The following MAPRE2 variants were observed in gnomAD, a reference collection of about 807,000 sequenced individuals.
The protein encoded by MAPRE2 is microtubule-associated protein RP/EB family member 2.
Under a neutral mutation model 43.2 loss-of-function variants are expected in MAPRE2, and 13 were observed. The observed-to-expected ratio is 0.30, with a 90% CI of 0.20 to 0.48. The LOEUF is 0.48. Ranked by LOEUF, MAPRE2 falls within the 20% of genes least tolerant of loss-of-function variation. The pLI is 0.99. For synonymous variants in MAPRE2, 135 were observed against 148.8 expected (o/e 0.91, Z 0.68); for missense variants, 161 against 400.2 (o/e 0.40, Z 5.10).
intron 3 of MAPRE2, among the ~76,000 whole-genome samples, chr18:35,100,533 A>C (rs1295446500): frequency 6.6e-6 from 1 of 152,236 alleles, no homozygotes; most frequent in Non-Finnish European, 1.5e-5. Flanking sequence ...TTGCAGCACT[A>C]TTCACAATAG....
At chr18:35,110,117 G>A (rs1253393080) in intron 4 of MAPRE2, among the ~76,000 whole-genome samples, 1 of 152,000 alleles carries the variant, frequency 6.6e-6, no homozygotes, top group Non-Finnish European at 1.5e-5. Context: ...CACCCCTATA[G>A]TTGTCATATG....
rs189433721 is a variant in MAPRE2, at chr18:35,135,247, C to T, written c.909+3057C>T. Reference sequence around the variant, plus strand: ...GTCCTTATTTGGAATGTGACAAGACCCATTTGTTTAAACCTTGGTTTTTAT... The same window carrying T: ...GTCCTTATTTGGAATGTGACAAGACTCATTTGTTTAAACCTTGGTTTTTAT... On this transcript the variant is annotated intron_variant, in intron 6 of 6. Coordinates refer to ENST00000300249, the MANE Select transcript of MAPRE2 (RefSeq NM_014268.4). Among the ~76,000 whole-genome samples, 196 of 152,134 alleles carry T rather than the reference C, an allele frequency of 1.3e-3. 1 individual carries two copies. The highest frequency in any genetic ancestry group is 4.1e-3 in the African/African-American group (170 of 41,504).
chr18:34,985,040 A>ATATTTTATGT lies in MAPRE2; in HGVS notation c.-70+7964_-70+7965insTTTATGTTAT, dbSNP rs1206907037. ...TTATATAATATATAAAATATATAAT[A>ATATTTTATGT]TATAAAATATATTATATAATATATA... is the stretch of plus-strand genomic sequence containing the variant. On this transcript the variant is annotated intron_variant, in intron 1 of 7. Transcript: ENST00000413393. 2.4e-4 allele frequency among the ~76,000 whole-genome samples: 12 copies of ATATTTTATGT among 50,544 alleles called. 1 individual carries two copies. Among genetic ancestry groups the ATATTTTATGT allele is most frequent in the African/African-American group, 3.4e-4 (4 of 11,894 alleles). The allele number at this position is 50,544 out of a possible 152,430, so 33.2% of individuals were successfully genotyped here.
At chr18:35,137,963 C>T (rs1467130867) in intron 6 of MAPRE2, among the ~76,000 whole-genome samples, 1 of 152,234 alleles carries the variant, frequency 6.6e-6, no homozygotes, top group East Asian at 1.9e-4. Flanking sequence ...TTTCATTCTT[C>T]TCCCTTGGAT....
intron 4 of MAPRE2, among the ~76,000 whole-genome samples, chr18:35,125,924 C>T (rs1297438821): frequency 6.6e-6 from 1 of 152,200 alleles, no homozygotes; most frequent in Non-Finnish European, 1.5e-5. Context: ...GTGTTTTCCC[C>T]TTTAGAGTAA....
intron 1 of MAPRE2, among the ~76,000 whole-genome samples, chr18:35,052,224 G>A (rs1905973972): frequency 6.6e-6 from 1 of 152,108 alleles, no homozygotes; most frequent in Non-Finnish European, 1.5e-5. Context: ...TGTACCCTTT[G>A]CAGTCCAAAT....
chr18:35,135,985 C>A (rs144831020), intron 6 of MAPRE2, among the ~76,000 whole-genome samples: 1 of 152,310 alleles, frequency 6.6e-6, no homozygotes, highest in East Asian at 1.9e-4. Context: ...CTGGGGAGAT[C>A]TCTTCCCCTG....
intron 4 of MAPRE2, among the ~76,000 whole-genome samples, chr18:35,110,002 T>A (rs185645407): frequency 6.6e-6 from 1 of 152,238 alleles, no homozygotes; most frequent in African/African-American, 2.4e-5. Context: ...TTGCACTAAT[T>A]TTTTAGGGGT....
chr18:35,126,241 A>G (rs1337571882), intron 4 of MAPRE2, among the ~76,000 whole-genome samples: 4 of 152,128 alleles, frequency 2.6e-5, no homozygotes, highest in African/African-American at 9.7e-5. Context: ...GTTCTTCCTG[A>G]TATTCAGCTG....
At chr18:35,116,796 G>T (rs112744238) in intron 4 of MAPRE2, among the ~76,000 whole-genome samples, 5 of 152,342 alleles carry the variant, frequency 3.3e-5, no homozygotes, top group African/African-American at 1.2e-4. Context: ...CTGTGGGTTA[G>T]AGTCAGGTCA....
chr18:35,081,658 G>A lies in MAPRE2; in HGVS notation c.250+11336G>A, dbSNP rs533288866. 1.6e-3 allele frequency among the ~76,000 whole-genome samples: 243 copies of A among 152,260 alleles called. 1 individual carries two copies. The highest frequency in any genetic ancestry group is 4.5e-3 in the Admixed American group (69 of 15,298). ...ATGGAGTTCTCACCTGCAAGTCTTGGGGAGAGGGTGAAATGGCTGAAATCT... is the reference window on the plus strand; with the variant it reads ...ATGGAGTTCTCACCTGCAAGTCTTGAGGAGAGGGTGAAATGGCTGAAATCT... On this transcript the variant is annotated intron_variant, in intron 2 of 6. Coordinates refer to ENST00000300249, the MANE Select transcript of MAPRE2 (RefSeq NM_014268.4).
chr18:35,008,828 T>C (rs548098565), intron 2 of MAPRE2, among the ~76,000 whole-genome samples: 158 of 152,312 alleles, frequency 1.0e-3, no homozygotes, highest in Non-Finnish European at 1.9e-3. Context: ...TGGAATAATT[T>C]ACAAACATTT....
intron 4 of MAPRE2, among the ~76,000 whole-genome samples, chr18:35,122,268 C>T (rs998247070): frequency 1.3e-5 from 2 of 152,150 alleles, no homozygotes; most frequent in Non-Finnish European, 2.9e-5. Flanking sequence ...TTAATGAGCC[C>T]ACTTTACATT....
At chr18:34,994,591 A>G (rs2097025546) in intron 1 of MAPRE2, among the ~76,000 whole-genome samples, 1 of 152,156 alleles carries the variant, frequency 6.6e-6, no homozygotes, top group Non-Finnish European at 1.5e-5. Flanking sequence ...CCCTGAAGAT[A>G]GGTATTCCCT....
intron 2 of MAPRE2, among the ~76,000 whole-genome samples, chr18:35,084,737 GC>G (rs1263724658): frequency 6.6e-6 from 1 of 152,228 alleles, no homozygotes; most frequent in Non-Finnish European, 1.5e-5. Flanking sequence ...CAGTTTGAAA[GC>G]TACTTGTCTT....
chr18:35,005,426 T>G, intron 1 of MAPRE2: 1 of 1,020,066 alleles, frequency 9.8e-7, no homozygotes, highest in Non-Finnish European at 1.5e-6. Flanking sequence ...TTATAACTCT[T>G]TGCTTCCATA....
intron 1 of MAPRE2, among the ~76,000 whole-genome samples, chr18:34,988,301 C>T (rs1291228773): frequency 7.9e-5 from 12 of 152,156 alleles, no homozygotes; most frequent in Non-Finnish European, 8.8e-5. Flanking sequence ...TTTATGTCTG[C>T]TTTCCTGTCT....
At chr18:35,030,037 T>C (rs865776676) in intron 2 of MAPRE2, among the ~76,000 whole-genome samples, 11 of 152,220 alleles carry the variant, frequency 7.2e-5, no homozygotes, top group Admixed American at 7.2e-4. Flanking sequence ...AGAAATAAAA[T>C]AGCTAATCAC....
chr18:34,990,166 C>T (rs896669704), intron 1 of MAPRE2, among the ~76,000 whole-genome samples: 2 of 152,178 alleles, frequency 1.3e-5, no homozygotes, highest in Non-Finnish European at 2.9e-5. Context: ...TGCTCTCCAC[C>T]ATGGGACTAC....
Sources: allele counts gnomAD v4.1 joint callset (sites outside exome capture counted in the v4.1 genomes callset), GRCh38; gene constraint gnomAD v4.1.1; transcripts MANE v1.5; gene names NCBI Gene and HGNC (gene_info 2026-07-23, HGNC 2026-07-21).